USP47: variants seen among roughly 807,000 people sequenced by gnomAD.
USP47 encodes ubiquitin carboxyl-terminal hydrolase 47.
In USP47, 35 loss-of-function variants were observed where a neutral mutation model predicts 165.1. That is an observed-to-expected ratio of 0.21 (90% CI 0.16 to 0.28). The LOEUF (loss-of-function observed/expected upper bound fraction) is 0.28, where lower values mean the gene tolerates loss of function less well. Ranked by LOEUF, USP47 falls within the 10% of genes least tolerant of loss-of-function variation. The pLI is 1.00. For missense variants in USP47, 1,277 were observed against 1,607.4 expected (o/e 0.79, Z 3.52); for synonymous variants, 531 against 544.5 (o/e 0.98, Z 0.35).
chr11:11,943,335 G>A, intron 20 of USP47: 1 of 355,378 alleles, frequency 2.8e-6, no homozygotes. Flanking sequence ...AAAAAAAATA[G>A]TATTCAATGT....
intron 1 of USP47, among the ~76,000 whole-genome samples, chr11:11,871,763 A>G (rs1295569946): frequency 6.6e-6 from 1 of 151,914 alleles, no homozygotes; most frequent in Non-Finnish European, 1.5e-5. Flanking sequence ...CCACCCCTTG[A>G]ACTCCCAACT....
chr11:11,942,582 A>T lies in USP47; in HGVS notation c.2561A>T (p.Glu854Val). 1 of 1,613,574 alleles carries T rather than the reference A, an allele frequency of 6.2e-7. No individual in the cohort carries two copies. Among genetic ancestry groups the T allele is most frequent in the Admixed American group, 1.7e-5 (1 of 59,880 alleles). Residue 854 changes from glutamate to valine, a missense_variant, in exon 20 of 28, where the codon GAA becomes GTA. Glu to Val is a moderately radical substitution (Grantham distance 121, BLOSUM62 -2). This residue lies in a region of USP47 where 909 missense variants were observed against 1,068.1 expected (regional missense o/e 0.85). Transcript: ENST00000527733. ...GSLKSVEAIL[E>V]ESTEKLKSLS... Reference sequence around the variant, plus strand: ...CTAAAGTCTGTGGAAGCTATTCTAGAAGAAAGCACTGAAAAACTCAAAAGC... The same window carrying T: ...CTAAAGTCTGTGGAAGCTATTCTAGTAGAAAGCACTGAAAAACTCAAAAGC...
intron 8 of USP47, among the ~76,000 whole-genome samples, chr11:11,918,388 G>T (rs975123202): frequency 2.6e-5 from 4 of 152,098 alleles, no homozygotes; most frequent in Admixed American, 2.0e-4. Context: ...TAGATGGAGA[G>T]AAATACATTG....
At chr11:11,873,193 T>G (rs1231092397) in intron 1 of USP47, among the ~76,000 whole-genome samples, 1 of 152,110 alleles carries the variant, frequency 6.6e-6, no homozygotes, top group Non-Finnish European at 1.5e-5. Context: ...TGATTTCTTT[T>G]TATTAACTGA....
At chr11:11,893,951 G>T (rs1286371781) in intron 4 of USP47, among the ~76,000 whole-genome samples, 1 of 152,060 alleles carries the variant, frequency 6.6e-6, no homozygotes, top group East Asian at 1.9e-4. Context: ...ATTTTTTCTG[G>T]AAATAATAGT....
intron 14 of USP47, among the ~76,000 whole-genome samples, chr11:11,931,852 G>A (rs369120210): frequency 6.6e-6 from 1 of 152,164 alleles, no homozygotes; most frequent in African/African-American, 2.4e-5. Flanking sequence ...ATATGAAGTT[G>A]TAATTATTAA....
At chr11:11,877,888 A>C (rs1442514736) in intron 1 of USP47, among the ~76,000 whole-genome samples, 1 of 148,582 alleles carries the variant, frequency 6.7e-6, no homozygotes, top group Non-Finnish European at 1.5e-5. Flanking sequence ...ATTTGGAAGG[A>C]TATATGCCAG....
In USP47 at chr11:11,942,498, G is replaced by C; in HGVS notation, c.2477G>C (p.Gly826Ala). Residue 826 changes from glycine to alanine, a missense_variant, in exon 20 of 28, where the codon GGA (glycine) becomes GCA (alanine). Around this residue, in one of 4 missense-constraint regions of USP47, gnomAD observed 909 missense variants for 1,068.1 expected, o/e 0.85. Coordinates refer to ENST00000527733, the MANE Select transcript of USP47 (RefSeq NM_001282659.2). ...YSKRTAYQKA[G>A]GDSGNVDDDC... is the part of the protein sequence containing the mutation. ...AAAAGGACAGCATACCAGAAAGCTG[G>C]AGGCGATTCTGGTAATGTGGATGAT... The C allele has an allele frequency of 6.2e-7, 1 of 1,613,594 alleles. No individual in the cohort carries two copies. The highest frequency in any genetic ancestry group is 8.5e-7 in the Non-Finnish European group (1 of 1,179,732).
Position 11,930,720 on chromosome 11 carries a change from C to T in USP47, c.1620C>T (p.Ile540=), listed in dbSNP as rs771768550. The T allele has an allele frequency of 6.2e-7, 1 of 1,605,712 alleles. No homozygotes were observed. The highest frequency in any genetic ancestry group is 1.1e-5 in the South Asian group (1 of 88,992). The change falls in exon 14 of 28, where the codon ATC becomes ATT. Residue 540 remains isoleucine, a synonymous_variant. Transcript: ENST00000527733. ...FASSTNAYML[I]YRLKDPARNA... is the part of the protein sequence containing the mutation. ...GTTCCACAAATGCATATATGCTGATCTATAGACTGAAGGATCCAGCCAGAA... is the reference window on the plus strand; with the variant it reads ...GTTCCACAAATGCATATATGCTGATTTATAGACTGAAGGATCCAGCCAGAA...
intron 1 of USP47, among the ~76,000 whole-genome samples, chr11:11,845,874 T>C (rs1848398717): frequency 6.6e-6 from 1 of 152,216 alleles, no homozygotes; most frequent in African/African-American, 2.4e-5. Context: ...TCTCTATAGC[T>C]GCCATCTTTT....
chr11:11,952,583 C>G (rs759482794), intron 24 of USP47, 158 bp from the exon 25 acceptor site: 56 of 654,698 alleles, frequency 8.6e-5, no homozygotes, highest in Non-Finnish European at 5.3e-5. Flanking sequence ...ATATTTCATT[C>G]TCAAAAACTC....
chr11:11,897,076 G>A (rs1357482158), intron 4 of USP47, among the ~76,000 whole-genome samples: 6 of 149,992 alleles, frequency 4.0e-5, no homozygotes, highest in Admixed American at 1.3e-4. Flanking sequence ...GAGTTTGCAT[G>A]TAGTGAATTT....
intron 2 of USP47, among the ~76,000 whole-genome samples, chr11:11,884,219 G>A (rs573812722): frequency 2.0e-5 from 3 of 151,806 alleles, no homozygotes; most frequent in South Asian, 4.2e-4. Flanking sequence ...CTTAACTTTC[G>A]CCTTTTCTCT....
intron 1 of USP47, among the ~76,000 whole-genome samples, chr11:11,852,909 C>A (rs867209151): frequency 9.2e-4 from 140 of 152,242 alleles, no homozygotes; most frequent in African/African-American, 2.9e-3. Context: ...ACTTCTGTGC[C>A]CTTGCCCTGA....
intron 5 of USP47, among the ~76,000 whole-genome samples, chr11:11,899,544 G>A (rs1852063993): frequency 1.3e-5 from 2 of 152,014 alleles, no homozygotes; most frequent in Admixed American, 1.3e-4. Context: ...AATGTGGAGG[G>A]AGTAATTGTC....
chr11:11,859,086 G>A (rs1307621621), intron 1 of USP47, among the ~76,000 whole-genome samples: 1 of 152,024 alleles, frequency 6.6e-6, no homozygotes, highest in Non-Finnish European at 1.5e-5. Flanking sequence ...GGTGGTATCT[G>A]TTTGTGCTTT....
In USP47 at chr11:11,920,332, T is replaced by C; in HGVS notation, c.1066-10T>C. 6.2e-7 allele frequency: 1 copy of C among 1,606,222 alleles called. No individual in the cohort carries two copies. ...ATAGACTCTCCCCCTTTTTGTTGTTTGTTTTTTAGGGCCTTCGGTTTTTGC... is the reference window on the plus strand; with the variant it reads ...ATAGACTCTCCCCCTTTTTGTTGTTCGTTTTTTAGGGCCTTCGGTTTTTGC... On this transcript the variant is annotated splice_polypyrimidine_tract_variant and intron_variant, in intron 9 of 27. Coordinates refer to ENST00000527733, the MANE Select transcript of USP47 (RefSeq NM_001282659.2).
Position 11,842,126 on chromosome 11 carries a change from G to C in USP47, c.-60G>C. 8.4e-6 allele frequency: 13 copies of C among 1,544,322 alleles called. No homozygotes were observed. The highest frequency in any genetic ancestry group is 1.1e-5 in the Non-Finnish European group (13 of 1,142,438). On this transcript the variant is annotated 5_prime_UTR_variant, in exon 1 of 28. Coordinates refer to ENST00000527733, the MANE Select transcript of USP47 (RefSeq NM_001282659.2). ...CGCTGCCATTCTCTCTTGAGCTAGC[G>C]AGCCGCCGCCACCCTCCACCCTCCC...
At chr11:11,854,032 G>T (rs1848879768) in intron 1 of USP47, among the ~76,000 whole-genome samples, 1 of 150,780 alleles carries the variant, frequency 6.6e-6, no homozygotes, top group African/African-American at 2.4e-5. Flanking sequence ...CTACTCAGGA[G>T]GCTGAGGCAG....
Sources: allele counts gnomAD v4.1 joint callset (sites outside exome capture counted in the v4.1 genomes callset), GRCh38; gene constraint gnomAD v4.1.1; regional missense constraint gnomAD v4.1.1; transcripts MANE v1.5; gene names NCBI Gene and HGNC (gene_info 2026-07-23, HGNC 2026-07-21).